The following RASGRF1 variants were observed in gnomAD, a reference collection of about 807,000 sequenced individuals.
RASGRF1 encodes the protein Ras protein specific guanine nucleotide releasing factor 1, also known as ras-specific guanine nucleotide-releasing factor 1.
A neutral mutation model predicts 138.7 loss-of-function variants in RASGRF1; 40 were observed. That is an observed-to-expected ratio of 0.29 (90% CI 0.22 to 0.38). RASGRF1 has a LOEUF of 0.38. RASGRF1 is among the 10% of genes least tolerant of loss of function. The pLI is 1.00. For synonymous variants in RASGRF1, 614 were observed against 663.2 expected, an observed-to-expected ratio of 0.93 and a Z score of 1.14; for missense variants, 1,108 against 1,650.4, an observed-to-expected ratio of 0.67 and a Z score of 5.69.
intron 9 of RASGRF1, among the ~76,000 whole-genome samples, chr15:79,026,261 T>C (rs2057049827): frequency 6.6e-6 from 1 of 152,248 alleles, no homozygotes; most frequent in Non-Finnish European, 1.5e-5. Flanking sequence ...TGTCCCCTTC[T>C]TCTGCCTCAC....
At chr15:79,051,814 G>A (rs1302402270) in intron 3 of RASGRF1, among the ~76,000 whole-genome samples, 1 of 152,172 alleles carries the variant, frequency 6.6e-6, no homozygotes, top group Non-Finnish European at 1.5e-5. Context: ...AGCTCTGGAG[G>A]GTTGCAAGCC....
intron 16 of RASGRF1, 41 bp downstream of exon 16, chr15:79,001,621 A>C (rs2056527874): frequency 6.2e-7 from 1 of 1,604,862 alleles, no homozygotes; most frequent in Non-Finnish European, 8.5e-7. Flanking sequence ...CCCTCTCCCA[A>C]ACTGGAAATC....
chr15:79,001,578 C>T, intron 16 of RASGRF1, 84 bp downstream of exon 16: 2 of 1,477,876 alleles, frequency 1.4e-6, no homozygotes, highest in South Asian at 1.3e-5. Context: ...TAAGGGATGA[C>T]ACCCACTTGC....
At chr15:78,989,657 T>G (rs28705105) in intron 22 of RASGRF1, among the ~76,000 whole-genome samples, 2,298 of 151,910 alleles carry the variant, frequency 0.015, 25 homozygotes, top group Middle Eastern at 0.024. Context: ...ATTGCCAGAG[T>G]AGCTGAAACA....
intron 1 of RASGRF1, among the ~76,000 whole-genome samples, chr15:79,074,951 C>T (rs560044284): frequency 3.0e-4 from 45 of 152,264 alleles, no homozygotes; most frequent in African/African-American, 1.0e-3. Flanking sequence ...TAAGATCGAG[C>T]GAGAAATACT....
chr15:79,020,022 A>T lies in RASGRF1; in HGVS notation c.1606+19T>A. 1.2e-6 allele frequency: 2 copies of T among 1,613,632 alleles called. No individual in the cohort carries two copies. Among genetic ancestry groups the T allele is most frequent in the Non-Finnish European group, 1.7e-6 (2 of 1,179,730 alleles). ...TCTGTGCAAGCACACACATGCGCAC[A>T]TGCAGCTTTCACACTCACCTTCCTC... On this transcript the variant is annotated intron_variant, in intron 11 of 26. Transcript: ENST00000558480.
intron 19 of RASGRF1, among the ~76,000 whole-genome samples, chr15:78,996,217 A>G (rs3816284): frequency 0.45 from 68,166 of 152,164 alleles, 17,687 homozygotes; most frequent in East Asian, 0.75. Context: ...AGGCAGCAGC[A>G]TGGCAGCCAC....
chr15:79,015,991 T>C (rs983062783), intron 12 of RASGRF1, among the ~76,000 whole-genome samples: 4 of 152,182 alleles, frequency 2.6e-5, no homozygotes, highest in African/African-American at 9.7e-5. Flanking sequence ...CAGATGATTG[T>C]ACATTTCACT....
chr15:79,081,316 C>A (rs1278698693), intron 1 of RASGRF1, among the ~76,000 whole-genome samples: 1 of 152,218 alleles, frequency 6.6e-6, no homozygotes, highest in East Asian at 1.9e-4. Flanking sequence ...GAGGGGAGAC[C>A]TTTAGTGCTC....
chr15:79,001,582 C>A lies in RASGRF1; in HGVS notation c.2575+80G>T, dbSNP rs2056526772. The A allele has an allele frequency of 2.0e-6, 3 of 1,496,018 alleles. No homozygotes were observed. In the African/African-American group the frequency reaches 4.2e-5, roughly 21 times the overall value. 92.7% of individuals were successfully genotyped at this position (1,496,018 alleles called of 1,614,324 possible). A position where few individuals can be genotyped will look rare whatever the true frequency, so the allele number is the denominator to read the frequency against. ...CTCATAAAGCATAAGGGATGACACC[C>A]ACTTGCCTTGACTCGACTTGACCTA... On this transcript the variant is annotated intron_variant, in intron 16 of 26. Coordinates refer to ENST00000558480, the MANE Select transcript of RASGRF1 (RefSeq NM_001145648.3).
At chr15:79,043,962 C>T (rs1462510836) in intron 5 of RASGRF1, among the ~76,000 whole-genome samples, 1 of 152,242 alleles carries the variant, frequency 6.6e-6, no homozygotes, top group Non-Finnish European at 1.5e-5. Flanking sequence ...GGTCCACCAG[C>T]CTTCAGTTAT....
In RASGRF1 at chr15:79,032,764, C is replaced by T. The variant is rs1320587643; in HGVS notation, c.959-448G>A. 2.0e-5 allele frequency among the ~76,000 whole-genome samples: 3 copies of T among 152,294 alleles called. No individual in the cohort carries two copies. The highest frequency in any genetic ancestry group is 3.9e-4 in the East Asian group (2 of 5,164). On this transcript the variant is annotated intron_variant, in intron 6 of 26. Transcript: ENST00000558480. The surrounding 1 kb of genome is among the most constrained non-coding windows in gnomAD (Gnocchi z 4.5). ...ATTCAGGACACCAGTGTGAGGTCAC[C>T]CCTTCTCCAGAGCTTCCTGTGGGGT...
Position 78,985,180 on chromosome 15 carries a change from T to C in RASGRF1, c.3241A>G (p.Ile1081Val). ...GCGTTGATGTCCTCATTGCGGATGA[T>C]TTCTGAAGCAATCAAGTTACTGATC... ...NDISNLIASEIIRNEDINARV... is the reference protein window; with the variant it reads ...NDISNLIASEVIRNEDINARV... Residue 1081 changes from isoleucine to valine, a missense_variant, in exon 23 of 27, where the codon ATC becomes GTC. Ile to Val is a conservative substitution (Grantham distance 29). Around this residue, in one of 3 missense-constraint regions of RASGRF1, gnomAD observed 686 missense variants for 976.7 expected, o/e 0.70. Coordinates refer to ENST00000558480, the MANE Select transcript of RASGRF1 (RefSeq NM_001145648.3). The C allele has an allele frequency of 6.2e-7, 1 of 1,610,514 alleles. No individual in the cohort carries two copies. The highest frequency in any genetic ancestry group is 8.5e-7 in the Non-Finnish European group (1 of 1,176,722).
chr15:79,014,809 C>G (rs2056851670), intron 13 of RASGRF1, among the ~76,000 whole-genome samples: 1 of 151,708 alleles, frequency 6.6e-6, no homozygotes, highest in South Asian at 2.1e-4. Context: ...TCCACCTACT[C>G]AGGAGGCTGA....
chr15:78,996,185 G>A (rs916672906), intron 19 of RASGRF1, among the ~76,000 whole-genome samples: 1 of 152,236 alleles, frequency 6.6e-6, no homozygotes, highest in Non-Finnish European at 1.5e-5. Context: ...TGCATGACAG[G>A]AAGGAAGCAC....
At position 79,054,502 on chromosome 15, in the gene RASGRF1, T is replaced by C. The variant is rs142747895; in HGVS notation, c.531+3832A>G. ...TCTTCTTGGAAATGGTGGGATTGTATTTCCCAGATCCTCTGAAGTTGGGCA... is the reference window on the plus strand; with the variant it reads ...TCTTCTTGGAAATGGTGGGATTGTACTTCCCAGATCCTCTGAAGTTGGGCA... On this transcript the variant is annotated intron_variant, in intron 3 of 26. Coordinates refer to ENST00000558480, the MANE Select transcript of RASGRF1 (RefSeq NM_001145648.3). Among the ~76,000 whole-genome samples, 1,103 of 152,312 alleles carry C rather than the reference T, an allele frequency of 7.2e-3. 35 individuals carry two copies. Among genetic ancestry groups the C allele is most frequent in the Admixed American group, 0.066 (1,002 of 15,296 alleles).
Position 78,961,947 on chromosome 15 carries a change from G to T in RASGRF1, c.*197C>A. The T allele has an allele frequency of 1.8e-6, 1 of 558,616 alleles. No homozygotes were observed. Among genetic ancestry groups the T allele is most frequent in the Non-Finnish European group, 3.2e-6 (1 of 312,318 alleles). 34.6% of individuals were successfully genotyped at this position (558,616 alleles called of 1,614,324 possible). ...AAGAAACAGGCACTGCAGGAGACGAGGGGAGGGATGGGTGGGCGAAGTCTG... is the reference window on the plus strand; with the variant it reads ...AAGAAACAGGCACTGCAGGAGACGATGGGAGGGATGGGTGGGCGAAGTCTG... On this transcript the variant is annotated 3_prime_UTR_variant, in exon 27 of 27. Coordinates refer to ENST00000558480, the MANE Select transcript of RASGRF1 (RefSeq NM_001145648.3).
At chr15:79,075,572 C>T (rs1595969970) in intron 1 of RASGRF1, among the ~76,000 whole-genome samples, 1 of 152,238 alleles carries the variant, frequency 6.6e-6, no homozygotes, top group East Asian at 1.9e-4. Context: ...CCTCCTGCCT[C>T]TCCCAACTGA....
chr15:79,051,698 C>G (rs2057432575), intron 3 of RASGRF1, among the ~76,000 whole-genome samples: 1 of 152,196 alleles, frequency 6.6e-6, no homozygotes, highest in African/African-American at 2.4e-5. Flanking sequence ...ATCTACTCAA[C>G]AGGGACTAGG....
Sources: allele counts gnomAD v4.1 joint callset (sites outside exome capture counted in the v4.1 genomes callset), GRCh38; gene constraint gnomAD v4.1.1; regional missense constraint gnomAD v4.1.1; non-coding constraint Gnocchi (gnomAD v3.1); transcripts MANE v1.5; gene names NCBI Gene and HGNC (gene_info 2026-07-23, HGNC 2026-07-21).